The following COL4A4 variants were observed in gnomAD, a reference collection of about 807,000 sequenced individuals.
COL4A4 encodes the protein collagen alpha-4(IV) chain.
COL4A4 carries 105 observed loss-of-function variants against 192.9 expected under a neutral mutation model. The ratio of observed to expected loss-of-function variants is 0.54; its 90% CI spans 0.46 to 0.64. The LOEUF (loss-of-function observed/expected upper bound fraction) is 0.64. Ranked by LOEUF, COL4A4 falls within the 30% of genes least tolerant of loss-of-function variation. The pLI is 0.00. For synonymous variants in COL4A4, 762 were observed against 769.9 expected (o/e 0.99, Z 0.17); for missense variants, 1,967 against 2,169.3 (o/e 0.91, Z 1.85).
intron 34 of COL4A4, among the ~76,000 whole-genome samples, chr2:227,047,919 G>T (rs1973231616): frequency 6.6e-6 from 1 of 152,152 alleles, no homozygotes; most frequent in African/African-American, 2.4e-5. Context: ...ATCAAAAATT[G>T]TAACTGTTTT....
At position 227,007,703 on chromosome 2, in the gene COL4A4, A is replaced by G; in HGVS notation, c.4810-115T>C. 6 of 1,389,096 alleles carry G rather than the reference A, an allele frequency of 4.3e-6. No individual in the cohort carries two copies. The African/African-American group carries it at 8.7e-5, about 20-fold the overall frequency. The allele number at this position is 1,389,096 out of a possible 1,614,324, so 86.0% of individuals were successfully genotyped here. ...TTAACATTTTTCCTTAGATTATTCC[A>G]TAAAGAACAAAATACAAGCGCTGAA... is the stretch of plus-strand genomic sequence containing the variant. On this transcript the variant is annotated intron_variant, in intron 47 of 47. Coordinates refer to ENST00000396625, the MANE Select transcript of COL4A4 (RefSeq NM_000092.5).
intron 4 of COL4A4, among the ~76,000 whole-genome samples, chr2:227,127,442 C>T (rs2062156027): frequency 6.6e-6 from 1 of 152,250 alleles, no homozygotes; most frequent in Non-Finnish European, 1.5e-5. Flanking sequence ...TGAGAGCAGA[C>T]ACAGAACCGC....
the COL4A4 span, among the ~76,000 whole-genome samples, chr2:226,990,917 ACC>A: frequency 6.6e-6 from 1 of 152,166 alleles, no homozygotes; most frequent in Admixed American, 6.5e-5. Context: ...GGGCCGTTTC[ACC>A]CAGGCCTGTA....
intron 20 of COL4A4, among the ~76,000 whole-genome samples, chr2:227,092,053 C>A (rs1294532370): frequency 1.3e-5 from 2 of 151,814 alleles, no homozygotes; most frequent in Non-Finnish European, 2.9e-5. Context: ...GAATTTAAGA[C>A]CCCAAAAACA....
At chr2:227,065,285 G>T (rs6734207) in intron 25 of COL4A4, among the ~76,000 whole-genome samples, 20,148 of 152,262 alleles carry the variant, frequency 0.13, 1,545 homozygotes, top group African/African-American at 0.19. Context: ...ACTGCAAGGC[G>T]GCAGCGAGGC....
chr2:226,976,291 AC>A, the COL4A4 span, among the ~76,000 whole-genome samples: 5 of 146,558 alleles, frequency 3.4e-5, no homozygotes, highest in Non-Finnish European at 7.5e-5. Context: ...GGATATGCCC[AC>A]CCCCCTGGAG....
At chr2:227,010,135 C>T (rs1290358230) in intron 46 of COL4A4, among the ~76,000 whole-genome samples, 178 bp downstream of exon 46, 1 of 152,142 alleles carries the variant, frequency 6.6e-6, no homozygotes, top group Non-Finnish European at 1.5e-5. Flanking sequence ...TTCTTTGACA[C>T]TTCATAGGAT....
At chr2:227,153,578 A>C (rs2064112467) in intron 1 of COL4A4, among the ~76,000 whole-genome samples, 1 of 152,112 alleles carries the variant, frequency 6.6e-6, no homozygotes, top group Non-Finnish European at 1.5e-5. Context: ...CAGAGAACTG[A>C]CTCTGGGATG....
intron 24 of COL4A4, among the ~76,000 whole-genome samples, chr2:227,079,283 G>A (rs539324789): frequency 2.6e-5 from 4 of 152,332 alleles, no homozygotes; most frequent in East Asian, 3.9e-4. Context: ...AGACCTCAGC[G>A]AACGTTGAAA....
At chr2:227,086,402 C>T (rs2059604232) in intron 22 of COL4A4, among the ~76,000 whole-genome samples, 1 of 151,750 alleles carries the variant, frequency 6.6e-6, no homozygotes, top group Non-Finnish European at 1.5e-5. Flanking sequence ...TCTTTTCTTC[C>T]CTCCTTCCTT....
At chr2:226,980,911 AT>A in the COL4A4 span, among the ~76,000 whole-genome samples, 1 of 152,210 alleles carries the variant, frequency 6.6e-6, no homozygotes. Flanking sequence ...GGAATAACTC[AT>A]TTTTTGTTGT....
In COL4A4 at chr2:227,050,130, C is replaced by A; in HGVS notation, c.3152G>T (p.Gly1051Val). 1 of 1,614,024 alleles carries A rather than the reference C, an allele frequency of 6.2e-7. No homozygotes were observed. The highest frequency in any genetic ancestry group is 8.5e-7 in the Non-Finnish European group (1 of 1,179,874). Reference sequence around the variant, plus strand: ...AGGGGGACCTGGAGAACCTGGCTCACCCTGACAGTTTAATGAAACAAAAGG... The same window carrying A: ...AGGGGGACCTGGAGAACCTGGCTCAACCTGACAGTTTAATGAAACAAAAGG... Reference protein sequence around the residue: ...IGFPGLPGDQGEPGSPGPPGF... With the variant: ...IGFPGLPGDQVEPGSPGPPGF... Residue 1051 changes from glycine to valine, a missense_variant and splice_region_variant, in exon 34 of 48, where the codon GGT (glycine) becomes GTT (valine). Coordinates refer to ENST00000396625, the MANE Select transcript of COL4A4 (RefSeq NM_000092.5).
intron 25 of COL4A4, among the ~76,000 whole-genome samples, chr2:227,068,585 T>C (rs2058501817): frequency 6.6e-6 from 1 of 152,182 alleles, no homozygotes; most frequent in Non-Finnish European, 1.5e-5. Context: ...ATAAATGTAA[T>C]CCAGCATATA....
chr2:227,119,776 A>C, intron 6 of COL4A4, 119 bp downstream of exon 6: 1 of 405,892 alleles, frequency 2.5e-6, no homozygotes, highest in East Asian at 4.9e-5. Flanking sequence ...GCTATATATA[A>C]TATATATATT....
At chr2:227,131,309 C>G (rs886160576) in intron 4 of COL4A4, among the ~76,000 whole-genome samples, 6 of 152,052 alleles carry the variant, frequency 3.9e-5, no homozygotes, top group African/African-American at 1.4e-4. Context: ...CACCCACCAC[C>G]ATGCCCAGCT....
intron 9 of COL4A4, among the ~76,000 whole-genome samples, chr2:227,111,015 C>T (rs1200186220): frequency 6.6e-6 from 1 of 152,152 alleles, no homozygotes; most frequent in Non-Finnish European, 1.5e-5. Flanking sequence ...TTGTAAACAT[C>T]GAAAAACTGG....
intron 4 of COL4A4, among the ~76,000 whole-genome samples, chr2:227,136,169 A>G (rs942785807): frequency 2.0e-5 from 3 of 152,138 alleles, no homozygotes; most frequent in Non-Finnish European, 4.4e-5. Context: ...TCTAATCAAT[A>G]AAGTCGGGCA....
downstream of COL4A4, among the ~76,000 whole-genome samples, chr2:227,002,285 A>ACTT (rs1446229834): frequency 1.3e-5 from 2 of 152,230 alleles, no homozygotes; most frequent in East Asian, 1.9e-4. Context: ...CTAACTCCTG[A>ACTT]CTTCAAGTCA....
In COL4A4 at chr2:227,004,126, G is replaced by GC. The variant is rs1489903574; in HGVS notation, c.*3198dup. 1 of 152,234 alleles carries GC rather than the reference G, an allele frequency of 6.6e-6. No individual in the cohort carries two copies. The highest frequency in any genetic ancestry group is 1.5e-5 in the Non-Finnish European group (1 of 68,052). 9.4% of individuals were successfully genotyped at this position (152,234 alleles called of 1,614,324 possible). On this transcript the variant is annotated 3_prime_UTR_variant, in exon 48 of 48. Coordinates refer to ENST00000396625, the MANE Select transcript of COL4A4 (RefSeq NM_000092.5). ...CATTAGGCATACAAAAACGAGTCAAGCATGGTCCCTGCCCTCAAGGGGCTT... is the reference window on the plus strand; with the variant it reads ...CATTAGGCATACAAAAACGAGTCAAGCCATGGTCCCTGCCCTCAAGGGGCTT...
Sources: gnomAD v4.1 joint callset for allele counts (sites outside exome capture counted in the v4.1 genomes callset) on GRCh38, gnomAD v4.1.1 for gene constraint, MANE v1.5 for transcripts, NCBI Gene and HGNC (gene_info 2026-07-23, HGNC 2026-07-21) for gene names.